TENM4: variants seen among roughly 807,000 people sequenced by gnomAD.
The protein encoded by TENM4 is teneurin-4.
A neutral mutation model predicts 243.3 loss-of-function variants in TENM4; 82 were observed. The observed-to-expected ratio is 0.34, with a 90% CI of 0.28 to 0.40. The LOEUF (loss-of-function observed/expected upper bound fraction) is 0.40, where lower values mean the gene tolerates loss of function less well. Among genes scored for constraint, TENM4 ranks in the 10% least tolerant of loss-of-function variants. The probability of loss-of-function intolerance (pLI) is 1.00; values close to 1 mark genes in which losing one functional copy is unlikely to be tolerated. For synonymous variants in TENM4, 1,412 were observed against 1,456.3 expected (o/e 0.97, Z 0.69); for missense variants, 3,138 against 3,673.3 (o/e 0.85, Z 3.77).
chr11:78,815,907 C>T (rs1033977480), intron 12 of TENM4, among the ~76,000 whole-genome samples: 1 of 152,226 alleles, frequency 6.6e-6, no homozygotes, highest in South Asian at 2.1e-4. Flanking sequence ...GGGCTCCACG[C>T]CTGGCCTTGC....
chr11:79,343,165 C>G lies in TENM4; in HGVS notation c.-320-45622G>C, dbSNP rs72935004. 2.6e-5 allele frequency among the ~76,000 whole-genome samples: 4 copies of G among 152,338 alleles called. No homozygotes were observed. In the South Asian group the frequency reaches 8.3e-4, roughly 32 times the overall value. On this transcript the variant is annotated intron_variant, in intron 1 of 33. Coordinates refer to ENST00000278550, the MANE Select transcript of TENM4 (RefSeq NM_001098816.3). ...GGAATGAGGAGCTTCCTCCTCCTGG[C>G]CCCTGGAAGAGGGAGAAGAGAGCAT...
intron 2 of TENM4, among the ~76,000 whole-genome samples, chr11:79,246,229 C>G (rs1390779947): frequency 6.6e-6 from 1 of 152,146 alleles, no homozygotes. Flanking sequence ...TCATTTCACT[C>G]CATCTTTATA....
chr11:78,685,895 T>TTA (rs1440424129), intron 29 of TENM4, among the ~76,000 whole-genome samples: 1 of 152,222 alleles, frequency 6.6e-6, no homozygotes, highest in African/African-American at 2.4e-5. Flanking sequence ...GATATTATGA[T>TTA]TATATATCCA....
At position 79,268,009 on chromosome 11, in the gene TENM4, TA is replaced by T. The variant is rs1855909528; in HGVS notation, c.-265+29478del. Among the ~76,000 whole-genome samples, 7 of 152,238 alleles carry T rather than the reference TA, an allele frequency of 4.6e-5. No individual in the cohort carries two copies. The South Asian group carries it at 1.4e-3, about 32-fold the overall frequency. On this transcript the variant is annotated intron_variant, in intron 2 of 33. Transcript: ENST00000278550. ...AGGAATCTGCAGTTTTACTAGGCTT[TA>T]AACTTCTTAACATCAGTGTAAAGAA...
At chr11:78,806,205 A>G (rs889515918) in intron 14 of TENM4, among the ~76,000 whole-genome samples, 4 of 152,232 alleles carry the variant, frequency 2.6e-5, no homozygotes, top group South Asian at 4.1e-4. Context: ...AGACTGAGGC[A>G]GGAAGATTGC....
In TENM4 at chr11:78,943,804, C is replaced by T. The variant is rs186020233; in HGVS notation, c.494-40281G>A. Among the ~76,000 whole-genome samples the T allele has an allele frequency of 4.2e-3, 633 of 152,298 alleles. 2 individuals carry two copies. Among genetic ancestry groups the T allele is most frequent in the African/African-American group, 0.015 (606 of 41,558 alleles). On this transcript the variant is annotated intron_variant, in intron 6 of 33. Coordinates refer to ENST00000278550, the MANE Select transcript of TENM4 (RefSeq NM_001098816.3). ...TGTGGTAAATAAATGTTAGTTTTCT[C>T]CATCTCCTATTCTGTACTTAAAATG...
intron 1 of TENM4, among the ~76,000 whole-genome samples, chr11:79,356,758 TAA>T (rs34232430): frequency 2.7e-5 from 4 of 149,324 alleles, no homozygotes; most frequent in Non-Finnish European, 3.0e-5. Context: ...TTGTATTGGG[TAA>T]AAAAAAAAAT....
intron 16 of TENM4, among the ~76,000 whole-genome samples, chr11:78,780,384 C>T (rs1197796555): frequency 6.6e-6 from 1 of 152,138 alleles, no homozygotes. Context: ...TCACCTGGCT[C>T]TTGTGGTTTT....
intron 6 of TENM4, among the ~76,000 whole-genome samples, chr11:78,930,558 G>A (rs917657752): frequency 1.3e-5 from 2 of 152,132 alleles, no homozygotes; most frequent in Admixed American, 1.3e-4. Flanking sequence ...GCCTCGGTAC[G>A]CTCACCTATA....
chr11:79,105,026 A>G (rs1047252921), intron 4 of TENM4, among the ~76,000 whole-genome samples: 1 of 152,238 alleles, frequency 6.6e-6, no homozygotes, highest in Non-Finnish European at 1.5e-5. Context: ...ACATAAATAC[A>G]TTCATGCATG....
intron 3 of TENM4, among the ~76,000 whole-genome samples, chr11:79,201,723 G>C (rs1273350801): frequency 1.3e-5 from 2 of 152,154 alleles, no homozygotes; most frequent in Admixed American, 6.6e-5. Context: ...CATGAAGGAG[G>C]GGTGGGGCAA....
intron 1 of TENM4, among the ~76,000 whole-genome samples, chr11:79,411,190 C>T (rs755720970): frequency 7.2e-5 from 11 of 152,170 alleles, no homozygotes; most frequent in Non-Finnish European, 1.5e-4. Context: ...AACCCTTGAT[C>T]TTCCCCAGGC....
intron 1 of TENM4, among the ~76,000 whole-genome samples, chr11:79,369,163 C>T (rs145683145): frequency 3.9e-5 from 6 of 152,146 alleles, no homozygotes; most frequent in East Asian, 3.9e-4. Context: ...GGGAACTGTC[C>T]CTGCAGCTGG....
intron 26 of TENM4, among the ~76,000 whole-genome samples, chr11:78,709,765 G>C (rs1184235146): frequency 1.3e-5 from 2 of 152,192 alleles, no homozygotes; most frequent in South Asian, 4.1e-4. Flanking sequence ...TGCATCACAG[G>C]CACCTGAAGA....
chr11:78,665,146 TCTTTC>T (rs1390768232), intron 32 of TENM4, among the ~76,000 whole-genome samples: 1 of 151,902 alleles, frequency 6.6e-6, no homozygotes, highest in Admixed American at 6.6e-5. Flanking sequence ...CTTCCTTCCT[TCTTTC>T]TTTTCTTTTC....
At chr11:79,190,353 A>C (rs1863455823) in intron 3 of TENM4, among the ~76,000 whole-genome samples, 1 of 152,208 alleles carries the variant, frequency 6.6e-6, no homozygotes, top group Non-Finnish European at 1.5e-5. Flanking sequence ...TAAGAGGCTT[A>C]AGTGAGATCA....
intron 2 of TENM4, among the ~76,000 whole-genome samples, chr11:79,282,603 G>C (rs988722305): frequency 6.6e-6 from 1 of 152,082 alleles, no homozygotes; most frequent in African/African-American, 2.4e-5. Context: ...ACAAACACTT[G>C]ATTCTTTTGT....
intron 1 of TENM4, among the ~76,000 whole-genome samples, chr11:79,328,696 C>T (rs947002639): frequency 3.9e-5 from 6 of 152,298 alleles, no homozygotes; most frequent in South Asian, 2.1e-4. Flanking sequence ...TCTTCTACAA[C>T]GTGCCCGCTT....
At chr11:78,927,128 T>G (rs76640564) in intron 6 of TENM4, among the ~76,000 whole-genome samples, 2,530 of 152,340 alleles carry the variant, frequency 0.017, 66 homozygotes, top group African/African-American at 0.057. Flanking sequence ...TTTTGCTGTA[T>G]GTTTGGAGCT....
Sources: allele counts gnomAD v4.1 joint callset (sites outside exome capture counted in the v4.1 genomes callset), GRCh38; gene constraint gnomAD v4.1.1; transcripts MANE v1.5; gene names NCBI Gene and HGNC (gene_info 2026-07-23, HGNC 2026-07-21).